The following SNRPN variants were observed in gnomAD, a reference collection of about 807,000 sequenced individuals.
SNRPN encodes the protein small nuclear ribonucleoprotein polypeptide N.
A neutral mutation model predicts 25.2 loss-of-function variants in SNRPN; 7 were observed. That is an observed-to-expected ratio of 0.28 (90% CI 0.16 to 0.52). SNRPN has a LOEUF of 0.52. Ranked by LOEUF, SNRPN falls within the 20% of genes least tolerant of loss-of-function variation. The pLI is 0.96. For synonymous variants in SNRPN, 124 were observed against 110.6 expected, an observed-to-expected ratio of 1.12 and a Z score of -0.76; for missense variants, 196 against 322.5, an observed-to-expected ratio of 0.61 and a Z score of 3.00.
At chr15:24,954,943 G>T (rs1486077716), upstream of SNRPN, 2 of 1,530,772 alleles carry the variant, frequency 1.3e-6, no homozygotes, top group Non-Finnish European at 1.8e-6. Flanking sequence ...GCATGCTCAG[G>T]CGGGGATGTG....
chr15:24,864,724 T>C (rs61999114), intron 1 of SNRPN, among the ~76,000 whole-genome samples: 1 of 152,116 alleles, frequency 6.6e-6, no homozygotes, highest in East Asian at 1.9e-4. Flanking sequence ...CTACAAATTT[T>C]GATAAGATGC....
At chr15:24,875,326 T>G (rs1178157844) in intron 1 of SNRPN, among the ~76,000 whole-genome samples, 1 of 152,212 alleles carries the variant, frequency 6.6e-6, no homozygotes, top group African/African-American at 2.4e-5. Context: ...CTCCAGAATC[T>G]TTGTTTACAT....
chr15:24,909,856 C>G, intron 2 of SNRPN: 1 of 863,988 alleles, frequency 1.2e-6, no homozygotes, highest in South Asian at 1.4e-5. Context: ...GTCCACAGCT[C>G]AACAGAGACC....
At chr15:24,914,161 A>G (rs1382653063) in intron 2 of SNRPN, among the ~76,000 whole-genome samples, 1 of 152,134 alleles carries the variant, frequency 6.6e-6, no homozygotes, top group Non-Finnish European at 1.5e-5. Flanking sequence ...CCAGTAAAGG[A>G]AGAACAAAAA....
intron 2 of SNRPN, among the ~76,000 whole-genome samples, chr15:24,904,663 GAAAA>G (rs2058683935): frequency 8.1e-5 from 4 of 49,174 alleles, no homozygotes; most frequent in Admixed American, 1.9e-4. Context: ...TTGGGAAAAA[GAAAA>G]GAAAAGAAAA....
intron 2 of SNRPN, among the ~76,000 whole-genome samples, chr15:24,834,945 A>G (rs1282371140): frequency 4.0e-5 from 2 of 49,776 alleles, no homozygotes; most frequent in Admixed American, 3.0e-4. Flanking sequence ...AGAAATGCAT[A>G]TAATATATAT....
intron 2 of SNRPN, among the ~76,000 whole-genome samples, chr15:24,893,229 AAAC>A (rs1367067509): frequency 0.011 from 649 of 57,848 alleles, 6 homozygotes; most frequent in African/African-American, 0.062. Flanking sequence ...ACAAACAAAC[AAAC>A]AAAAACAGAA....
chr15:24,846,850 AG>A (rs1230789332), intron 2 of SNRPN, among the ~76,000 whole-genome samples: 2 of 152,202 alleles, frequency 1.3e-5, no homozygotes, highest in Non-Finnish European at 2.9e-5. Flanking sequence ...GGTCGACTCA[AG>A]AATACAGCTG....
intron 1 of SNRPN, among the ~76,000 whole-genome samples, chr15:24,867,793 A>G (rs1023898048): frequency 1.3e-5 from 2 of 152,178 alleles, no homozygotes; most frequent in African/African-American, 4.8e-5. Context: ...TATTGATAAT[A>G]GCAGATTGCT....
chr15:24,976,672 G>GAGGTGT (rs1414466295), intron 6 of SNRPN, among the ~76,000 whole-genome samples: 1 of 152,208 alleles, frequency 6.6e-6, no homozygotes, highest in Non-Finnish European at 1.5e-5. Flanking sequence ...GTTTATAAAA[G>GAGGTGT]AGGTGTTTTC....
At chr15:24,977,756 G>C in intron 7 of SNRPN, 22 bp from the exon 8 acceptor site, 1 of 1,569,802 alleles carries the variant, frequency 6.4e-7, no homozygotes, top group Non-Finnish European at 8.6e-7. Flanking sequence ...CGCTTTGACT[G>C]TTTCCCGCCC....
intron 1 of SNRPN, among the ~76,000 whole-genome samples, chr15:24,858,945 C>T (rs2053718338): frequency 6.6e-6 from 1 of 151,700 alleles, no homozygotes. Context: ...CTTATCAGTA[C>T]CAGCTCACAT....
At chr15:24,928,242 G>A (rs895974171) in intron 3 of SNRPN, among the ~76,000 whole-genome samples, 1 of 152,062 alleles carries the variant, frequency 6.6e-6, no homozygotes, top group African/African-American at 2.4e-5. Flanking sequence ...TTTATCCAAA[G>A]TTAAATCAGT....
At position 24,974,344 on chromosome 15, in the gene SNRPN, T is replaced by G. The variant is rs190439178; in HGVS notation, c.-110T>G. ...TACTCTTTGAAGCTTCTGCCCAGCT[T>G]GCATTGTTTCTAGGAGAACCTGCGT... is the stretch of plus-strand genomic sequence containing the variant. On this transcript the variant is annotated 5_prime_UTR_variant, in exon 4 of 10. Transcript: ENST00000390687. 9.3e-6 allele frequency: 9 copies of G among 968,452 alleles called. No individual in the cohort carries two copies. The highest frequency in any genetic ancestry group is 2.1e-4 in the Middle Eastern group (1 of 4,832). The allele number at this position is 968,452 out of a possible 1,614,324, so 60.0% of individuals were successfully genotyped here.
intron 2 of SNRPN, chr15:24,886,669 G>A (rs1367454433): frequency 8.9e-3 from 1 of 112 alleles, no homozygotes; most frequent in African/African-American, 0.022. Context: ...TTTTCTTCAG[G>A]GAGAGACCCA....
At chr15:24,832,632 G>T (rs540549979) in intron 2 of SNRPN, among the ~76,000 whole-genome samples, 1 of 151,946 alleles carries the variant, frequency 6.6e-6, no homozygotes, top group Non-Finnish European at 1.5e-5. Context: ...CCCTTTCCAC[G>T]CAATGGAAGG....
At chr15:24,834,231 G>A (rs1310895920) in intron 2 of SNRPN, among the ~76,000 whole-genome samples, 1 of 152,064 alleles carries the variant, frequency 6.6e-6, no homozygotes, top group Non-Finnish European at 1.5e-5. Flanking sequence ...GCCTGTAAAT[G>A]CCCATCCCAT....
intron 2 of SNRPN, among the ~76,000 whole-genome samples, chr15:24,846,356 C>T (rs2052193816): frequency 6.6e-6 from 1 of 152,080 alleles, no homozygotes; most frequent in Non-Finnish European, 1.5e-5. Flanking sequence ...ACAAACTAAG[C>T]AAATCTAGTG....
At chr15:24,909,879 G>C in intron 2 of SNRPN, 1 of 722,692 alleles carries the variant, frequency 1.4e-6, no homozygotes, top group Non-Finnish European at 2.4e-6. Flanking sequence ...CAGGCACAGC[G>C]GCGCTGGGGC....
Sources: allele counts gnomAD v4.1 joint callset (sites outside exome capture counted in the v4.1 genomes callset), GRCh38; gene constraint gnomAD v4.1.1; transcripts MANE v1.5; gene names NCBI Gene and HGNC (gene_info 2026-07-23, HGNC 2026-07-21).